The following ABCB7 variants were observed in gnomAD, a reference collection of about 807,000 sequenced individuals.
ABCB7 encodes the protein iron-sulfur clusters transporter ABCB7, mitochondrial.
Under a neutral mutation model 54.4 loss-of-function variants are expected in ABCB7, and 7 were observed. The observed-to-expected ratio is 0.13, with a 90% CI of 0.07 to 0.24. ABCB7 has a LOEUF of 0.24. Among genes scored for constraint, ABCB7 ranks in the 10% least tolerant of loss-of-function variants. ABCB7 has a pLI of 1.00. For synonymous variants in ABCB7, 218 were observed against 207.1 expected (o/e 1.05, Z -0.45); for missense variants, 356 against 570.4 (o/e 0.62, Z 3.83).
At chrX:75,066,499 A>G (rs2081319323) in intron 12 of ABCB7, among the ~76,000 whole-genome samples, 1 of 111,194 alleles carries the variant, frequency 9.0e-6, no homozygotes, top group South Asian at 3.7e-4. Context: ...TAAAATAAAT[A>G]CTGATTTTTT....
chrX:75,135,553 G>A (rs1029406112), intron 1 of ABCB7, among the ~76,000 whole-genome samples: 3 of 111,134 alleles, frequency 2.7e-5, no homozygotes, highest in Admixed American at 1.9e-4. Flanking sequence ...CAATATCCCC[G>A]ACCAACATAG....
At chrX:75,075,163 T>C (rs1185331294) in intron 6 of ABCB7, among the ~76,000 whole-genome samples, 199 bp downstream of exon 6, 1 of 111,949 alleles carries the variant, frequency 8.9e-6, no homozygotes, top group Non-Finnish European at 1.9e-5. Flanking sequence ...TGAACAGTTA[T>C]TTACAATAAC....
At chrX:75,102,115 C>T (rs985594591) in intron 3 of ABCB7, among the ~76,000 whole-genome samples, 6 of 111,061 alleles carry the variant, frequency 5.4e-5, no homozygotes, top group Non-Finnish European at 1.1e-4. Context: ...GTTGAATGTA[C>T]AGAATATGTA....
intron 4 of ABCB7, among the ~76,000 whole-genome samples, chrX:75,082,715 TAGTA>T (rs1327271869): frequency 9.0e-6 from 1 of 110,773 alleles, no homozygotes; most frequent in African/African-American, 3.3e-5. Flanking sequence ...ACTTACAGAG[TAGTA>T]AGTTTTTACA....
chrX:75,092,991 A>C (rs1267174054), intron 4 of ABCB7, among the ~76,000 whole-genome samples: 1 of 111,961 alleles, frequency 8.9e-6, no homozygotes, highest in East Asian at 2.8e-4. Flanking sequence ...ACCAACTATA[A>C]AAGGTTATTT....
At chrX:75,138,014 T>C (rs368044073) in intron 1 of ABCB7, among the ~76,000 whole-genome samples, 1 of 111,743 alleles carries the variant, frequency 8.9e-6, no homozygotes, top group African/African-American at 3.3e-5. Flanking sequence ...ATGTATCCCT[T>C]GAACCTAAAA....
intron 12 of ABCB7, among the ~76,000 whole-genome samples, chrX:75,066,713 T>C (rs931303988): frequency 4.5e-5 from 5 of 111,637 alleles, no homozygotes; most frequent in Non-Finnish European, 7.5e-5. Flanking sequence ...TCCCATCATG[T>C]AGCAAGATCT....
intron 1 of ABCB7, among the ~76,000 whole-genome samples, chrX:75,124,853 G>T (rs1326298684): frequency 9.0e-6 from 1 of 111,411 alleles, no homozygotes; most frequent in South Asian, 3.8e-4. Flanking sequence ...GGAATGATGA[G>T]ATAATGTAAT....
intron 4 of ABCB7, among the ~76,000 whole-genome samples, chrX:75,085,337 A>G (rs1442207388): frequency 8.9e-6 from 1 of 112,352 alleles, no homozygotes; most frequent in Non-Finnish European, 1.9e-5. Context: ...GTGAGAAATC[A>G]GCTCAAAAGG....
intron 13 of ABCB7, among the ~76,000 whole-genome samples, chrX:75,063,387 A>C (rs925766335): frequency 9.0e-6 from 1 of 111,200 alleles, no homozygotes; most frequent in African/African-American, 3.3e-5. Flanking sequence ...CATATTTTTC[A>C]GCTTATTAGG....
intron 6 of ABCB7, among the ~76,000 whole-genome samples, chrX:75,074,231 T>A (rs1255825186): frequency 9.0e-6 from 1 of 111,561 alleles, no homozygotes; most frequent in Non-Finnish European, 1.9e-5. Flanking sequence ...AAAAAATATA[T>A]ACATATATTT....
rs199557040 is a variant in ABCB7 at position 75,116,000 on chromosome X, A to C, written c.169-1169T>G. Among the ~76,000 whole-genome samples, 8 of 111,728 alleles carry C rather than the reference A, an allele frequency of 7.2e-5. No individual in the cohort carries two copies. In the East Asian group the frequency reaches 2.3e-3, roughly 31 times the overall value. ...GAAGGAAATCAAAGTATTTTATCCC[A>C]AAATATATTTCTTTGACATATTCTG... On this transcript the variant is annotated intron_variant, in intron 1 of 15. Coordinates refer to ENST00000373394, the MANE Select transcript of ABCB7 (RefSeq NM_001271696.3).
At chrX:75,094,883 C>T (rs943278311) in intron 4 of ABCB7, among the ~76,000 whole-genome samples, 6 of 110,199 alleles carry the variant, frequency 5.4e-5, no homozygotes, top group Non-Finnish European at 9.5e-5. Flanking sequence ...GTAGTAGAAC[C>T]GCTAAAATAC....
In ABCB7 at chrX:75,060,329, G is replaced by A; in HGVS notation, c.1937C>T (p.Thr646Ile). Residue 646 changes from threonine (T) to isoleucine (I), a missense_variant and splice_region_variant, in exon 15 of 16, where the codon ACT becomes ATT. Thr to Ile is a moderately conservative substitution (Grantham distance 89). Coordinates refer to ENST00000373394, the MANE Select transcript of ABCB7 (RefSeq NM_001271696.3). Reference sequence around the variant, plus strand: ...CACATCCTTCATGGCACCAAGAATAGTCTGCAAGTTTGGTAATATGAAGAA... The same window carrying A: ...CACATCCTTCATGGCACCAAGAATAATCTGCAAGTTTGGTAATATGAAGAA... The part of the protein sequence containing the change: ...TSSLDSITEE[T>I]ILGAMKDVVK... 8.4e-7 allele frequency: 1 copy of A among 1,185,266 alleles called. No homozygotes were observed. Among genetic ancestry groups the A allele is most frequent in the Non-Finnish European group, 1.1e-6 (1 of 871,568 alleles).
At chrX:75,111,099 C>T (rs1413406091) in intron 3 of ABCB7, among the ~76,000 whole-genome samples, 1 of 111,479 alleles carries the variant, frequency 9.0e-6, no homozygotes, top group Admixed American at 9.6e-5. Context: ...TCTCTATAAA[C>T]AAGCACACAA....
At chrX:75,070,243 C>A in intron 10 of ABCB7, 122 bp downstream of exon 10, 1 of 736,938 alleles carries the variant, frequency 1.4e-6, no homozygotes, top group South Asian at 2.4e-5. Context: ...CCACCCCTGA[C>A]AATTCCTGCA....
At chrX:75,136,731 T>G (rs1212739938) in intron 1 of ABCB7, among the ~76,000 whole-genome samples, 1 of 111,629 alleles carries the variant, frequency 9.0e-6, no homozygotes, top group Non-Finnish European at 1.9e-5. Flanking sequence ...GAAATAAAGC[T>G]GCACACCAAC....
At chrX:75,113,083 G>A in intron 2 of ABCB7, 111 bp from the exon 3 acceptor site, 1 of 623,998 alleles carries the variant, frequency 1.6e-6, no homozygotes. Context: ...AAATTCACAG[G>A]TATAGTATTT....
intron 3 of ABCB7, among the ~76,000 whole-genome samples, chrX:75,102,248 C>T (rs966447986): frequency 1.8e-5 from 2 of 110,516 alleles, no homozygotes; most frequent in African/African-American, 6.6e-5. Context: ...TAATTATAGT[C>T]ACCCTGCTCT....
Sources: allele counts gnomAD v4.1 joint callset (sites outside exome capture counted in the v4.1 genomes callset), GRCh38; gene constraint gnomAD v4.1.1; transcripts MANE v1.5; gene names NCBI Gene and HGNC (gene_info 2026-07-23, HGNC 2026-07-21).